Variants in TPSG1 observed in about 807,000 individuals in gnomAD.
The protein encoded by TPSG1 is tryptase gamma 1.
TPSG1 carries 43 observed loss-of-function variants against 23.8 expected under a neutral mutation model. That is an observed-to-expected ratio of 1.81 (90% CI 1.42 to 2.33). The LOEUF (loss-of-function observed/expected upper bound fraction) is 2.33. Ranked by LOEUF, TPSG1 falls within the 30% of genes most tolerant of loss-of-function variation. The pLI, the probability that TPSG1 is intolerant of heterozygous loss-of-function variation, is 0.00. For missense variants in TPSG1, 623 were observed against 438.6 expected (o/e 1.42, Z -3.75); for synonymous variants, 302 against 201.3 (o/e 1.50, Z -4.23).
Position 1,223,484 on chromosome 16 carries a change from C to G in TPSG1, c.184G>C (p.Val62Leu). 1 of 1,583,146 alleles carries G rather than the reference C, an allele frequency of 6.3e-7. No individual in the cohort carries two copies. Among genetic ancestry groups the G allele is most frequent in the Non-Finnish European group, 8.6e-7 (1 of 1,167,306 alleles). ...QASLRLRRVH[V>L]CGGSLLSPQW... Reference sequence around the variant, plus strand: ...GGGCTGAGCAGTGACCCGCCGCACACGTGCACCCTCCGCAGGCGGAGGCTG... The same window carrying G: ...GGGCTGAGCAGTGACCCGCCGCACAGGTGCACCCTCCGCAGGCGGAGGCTG... The change falls in exon 3 of 6, where the codon GTG (valine) becomes CTG (leucine). Residue 62 changes from valine to leucine, a missense_variant. Val to Leu is a conservative substitution (Grantham distance 32). Coordinates refer to ENST00000234798, the MANE Select transcript of TPSG1 (RefSeq NM_012467.4).
In TPSG1 at chr16:1,221,735, G is replaced by A. The variant is rs754229098; in HGVS notation, c.*53C>T. The A allele has an allele frequency of 1.0e-4, 153 of 1,488,584 alleles. No individual in the cohort carries two copies. The highest frequency in any genetic ancestry group is 1.3e-4 in the Non-Finnish European group (145 of 1,104,322). 92.2% of individuals were successfully genotyped at this position (1,488,584 alleles called of 1,614,324 possible). The stretch of plus-strand genomic sequence containing the variant: ...CAGCTTCTCAAGGGAGAGGGAGGGG[G>A]CGGAGCGGAATAAATAGTAACTTAT... On this transcript the variant is annotated 3_prime_UTR_variant, in exon 6 of 6. Coordinates refer to ENST00000234798, the MANE Select transcript of TPSG1 (RefSeq NM_012467.4).
chr16:1,223,490 C>T lies in TPSG1; in HGVS notation c.178G>A (p.Val60Met), dbSNP rs760357. The T allele has an allele frequency of 0.19, 300,587 of 1,578,030 alleles. 30,660 individuals are homozygous for T. The highest frequency in any genetic ancestry group is 0.21 in the Non-Finnish European group (243,303 of 1,164,544). ...AGCAGTGACCCGCCGCACACGTGCA[C>T]CCTCCGCAGGCGGAGGCTGGCCTGC... ...PWQASLRLRR[V>M]HVCGGSLLSP... Residue 60 changes from valine to methionine, a missense_variant, in exon 3 of 6, where the codon GTG (valine) becomes ATG (methionine). Val to Met is a conservative substitution (Grantham distance 21). Coordinates refer to ENST00000234798, the MANE Select transcript of TPSG1 (RefSeq NM_012467.4).
At position 1,225,268 on chromosome 16, in the gene TPSG1, T is replaced by A; in HGVS notation, c.-16A>T. Reference sequence around the variant, plus strand: ...CAAGGGCCATGGTGTCTGCCCACTGTAGGGAGAAGGAGGGCCAGCCTGACC... The same window carrying A: ...CAAGGGCCATGGTGTCTGCCCACTGAAGGGAGAAGGAGGGCCAGCCTGACC... On this transcript the variant is annotated 5_prime_UTR_variant, in exon 1 of 6. Coordinates refer to ENST00000234798, the MANE Select transcript of TPSG1 (RefSeq NM_012467.4). The A allele has an allele frequency of 6.4e-7, 1 of 1,558,452 alleles. No individual in the cohort carries two copies. The highest frequency in any genetic ancestry group is 1.2e-5 in the South Asian group (1 of 84,286).
At position 1,223,286 on chromosome 16, in the gene TPSG1, C is replaced by T. The variant is rs552078108; in HGVS notation, c.245+137G>A. On this transcript the variant is annotated intron_variant, in intron 3 of 5. Coordinates refer to ENST00000234798, the MANE Select transcript of TPSG1 (RefSeq NM_012467.4). ...CACAGAAGGTGGGCAACCAGCTCCT[C>T]CCTTTCCATTGGAAGGAAGTAGGCT... is the stretch of plus-strand genomic sequence containing the variant. 8.2e-4 allele frequency: 979 copies of T among 1,188,470 alleles called. 1 individual carries two copies. Among genetic ancestry groups the T allele is most frequent in the Admixed American group, 1.5e-3 (48 of 32,546 alleles). 73.6% of individuals were successfully genotyped at this position (1,188,470 alleles called of 1,614,324 possible). A position where few individuals can be genotyped will look rare whatever the true frequency, so the allele number is the denominator to read the frequency against.
At chr16:1,222,165 C>T (rs1970526499) in intron 5 of TPSG1, 31 bp downstream of exon 5, 1 of 1,611,694 alleles carries the variant, frequency 6.2e-7, no homozygotes, top group Non-Finnish European at 8.5e-7. Context: ...TTCAGCCGCC[C>T]CCATCCTCTG....
At position 1,222,896 on chromosome 16, in the gene TPSG1, G is replaced by A. The variant is rs753211084; in HGVS notation, c.267C>T (p.Tyr89=). ...TCTCCAGTTCCCCCAGGTGCACCTG[G>A]TAGTCGGATGAGTTCAGGGACCTGG... ...CFSGSLNSSD[Y]QVHLGELEIT... The change falls in exon 4 of 6, where the codon TAC becomes TAT. Residue 89 remains tyrosine (Y), a synonymous_variant. Coordinates refer to ENST00000234798, the MANE Select transcript of TPSG1 (RefSeq NM_012467.4). 11 of 1,608,010 alleles carry A rather than the reference G, an allele frequency of 6.8e-6. No individual in the cohort carries two copies. Among genetic ancestry groups the A allele is most frequent in the African/African-American group, 1.3e-5 (1 of 74,976 alleles).
chr16:1,223,301 G>A (rs763426472), intron 3 of TPSG1, 122 bp downstream of exon 3: 27 of 1,269,430 alleles, frequency 2.1e-5, no homozygotes, highest in Non-Finnish European at 2.6e-5. Flanking sequence ...TCCATTGGAA[G>A]GAAGTAGGCT....
intron 1 of TPSG1, 53 bp downstream of exon 1, chr16:1,225,154 C>T: frequency 6.5e-7 from 1 of 1,544,202 alleles, no homozygotes; most frequent in Non-Finnish European, 8.8e-7. Flanking sequence ...CATCAGGGGT[C>T]CAGGCAGGAA....
In TPSG1 at chr16:1,222,270, C is replaced by T. The variant is rs747975016; in HGVS notation, c.583G>A (p.Asp195Asn). ...SVVDTETCRR[D>N]YPGPGGSILQ... ...ATGCTGCCCCCGGGGCCGGGATAGT[C>T]CCGGCGGCAGGTCTCTGTGTCCACC... Residue 195 changes from aspartate (D) to asparagine (N), a missense_variant, in exon 5 of 6, where the codon GAC (aspartate) becomes AAC (asparagine). Physicochemically the swap from Asp to Asn is conservative, Grantham distance 23 (BLOSUM62 1). Coordinates refer to ENST00000234798, the MANE Select transcript of TPSG1 (RefSeq NM_012467.4). 1.5e-5 allele frequency: 24 copies of T among 1,611,828 alleles called. No individual in the cohort carries two copies. Among genetic ancestry groups the T allele is most frequent in the Admixed American group, 6.7e-5 (4 of 59,968 alleles).
chr16:1,222,075 C>T lies in TPSG1; in HGVS notation c.679G>A (p.Val227Ile). The change falls in exon 6 of 6, where the codon GTC (valine) becomes ATC (isoleucine). Residue 227 changes from valine to isoleucine, a missense_variant. Transcript: ENST00000234798. ...ACCCAGGCACCGTTCACCTGGCAGA[C>T]CAGAGGCCCCCCGGAGTCGTCCTGA... ...ACQDDSGGPL[V>I]CQVNGAWVQA... 1 of 1,612,800 alleles carries T rather than the reference C, an allele frequency of 6.2e-7. No homozygotes were observed. The highest frequency in any genetic ancestry group is 8.5e-7 in the Non-Finnish European group (1 of 1,179,992).
chr16:1,223,946 G>C (rs749185958), intron 2 of TPSG1: 25 of 314,198 alleles, frequency 8.0e-5, no homozygotes, highest in Non-Finnish European at 1.1e-4. Flanking sequence ...GCTGCCTAGT[G>C]GGCCCCGGTT....
Position 1,221,698 on chromosome 16 carries a change from A to T in TPSG1, c.*90T>A. On this transcript the variant is annotated 3_prime_UTR_variant, in exon 6 of 6. Transcript: ENST00000234798. ...TCAGGTTAAATGTTGCAATAATCTG[A>T]TGCAGAAGACTCAGCTTCTCAAGGG... 7.9e-7 allele frequency: 1 copy of T among 1,267,986 alleles called. No homozygotes were observed. The highest frequency in any genetic ancestry group is 1.1e-6 in the Non-Finnish European group (1 of 928,564). The allele number at this position is 1,267,986 out of a possible 1,614,324, so 78.5% of individuals were successfully genotyped here.
At chr16:1,222,602 CT>C (rs1242069736) in intron 4 of TPSG1, 49 bp downstream of exon 4, 1 of 1,516,588 alleles carries the variant, frequency 6.6e-7, no homozygotes, top group East Asian at 2.3e-5. Context: ...AGCTCTCTTC[CT>C]GCCGCCCTTG....
chr16:1,222,655 C>T lies in TPSG1; in HGVS notation c.508G>A (p.Gly170Arg), dbSNP rs117769620. 9,818 of 1,547,130 alleles carry T rather than the reference C, an allele frequency of 6.3e-3. 56 individuals carry two copies. The highest frequency in any genetic ancestry group is 7.1e-3 in the Non-Finnish European group (8,084 of 1,141,468). ...CATCCCCACGGGGGCTCCTCACCTC[C>T]CTCCCGCGTATAGCCCCAGCCGGTC... ...WVTGWGYTRE[G>R]EPLPPPYSLR... is the part of the protein sequence containing the mutation. Residue 170 changes from glycine (G) to arginine (R), a missense_variant, in exon 4 of 6, where the codon GGA (glycine) becomes AGA (arginine). Physicochemically the swap from Gly to Arg is moderately radical, Grantham distance 125. Transcript: ENST00000234798.
Position 1,222,849 on chromosome 16 carries a change from G to A in TPSG1, c.314C>T (p.Ser105Phe). Residue 105 changes from serine (S) to phenylalanine (F), a missense_variant, in exon 4 of 6, where the codon TCC becomes TTC. Physicochemically the swap from Ser to Phe is radical, Grantham distance 155. Transcript: ENST00000234798. ...GTGCAGGATGATCTGCCTCACGGTG[G>A]AGAAGTGGGGAGACAGAGTGATCTC... ...ELEITLSPHF[S>F]TVRQIILHSS... 6.2e-7 allele frequency: 1 copy of A among 1,611,018 alleles called. No homozygotes were observed.
chr16:1,225,107 T>G, intron 1 of TPSG1, 100 bp downstream of exon 1: 2 of 1,435,254 alleles, frequency 1.4e-6, no homozygotes, highest in South Asian at 1.3e-5. Context: ...GGACTCAGCA[T>G]GTTTCTCCGT....
intron 4 of TPSG1, 148 bp downstream of exon 4, chr16:1,222,504 G>A: frequency 7.7e-7 from 1 of 1,296,552 alleles, no homozygotes; most frequent in Admixed American, 2.3e-5. Context: ...CACACGACAG[G>A]CTTTGAAAAG....
intron 3 of TPSG1, among the ~76,000 whole-genome samples, chr16:1,223,207 G>A (rs960379496): frequency 3.5e-4 from 53 of 152,220 alleles, no homozygotes; most frequent in Non-Finnish European, 1.2e-4. Context: ...CGAGGGGAGG[G>A]AAGGAGGGAG....
chr16:1,222,217 C>T lies in TPSG1; in HGVS notation c.636G>A (p.Arg212=). 6.2e-7 allele frequency: 1 copy of T among 1,611,766 alleles called. No homozygotes were observed. The highest frequency in any genetic ancestry group is 8.5e-7 in the Non-Finnish European group (1 of 1,179,796). Residue 212 remains arginine (R), a synonymous_variant, in exon 5 of 6, where the codon CGG becomes CGA. Transcript: ENST00000234798. ...SILQPDMLCA[R]GPGDACQDDS... ...TCACCTGGCAGGCATCCCCGGGGCC[C>T]CGGGCACACAGCATGTCGGGCTGAA... is the stretch of plus-strand genomic sequence containing the variant.
Sources: gnomAD v4.1 joint callset for allele counts (sites outside exome capture counted in the v4.1 genomes callset) on GRCh38, gnomAD v4.1.1 for gene constraint, MANE v1.5 for transcripts, NCBI Gene and HGNC (gene_info 2026-07-23, HGNC 2026-07-21) for gene names.